SAMD3: variants seen among roughly 807,000 people sequenced by gnomAD.
SAMD3 encodes sterile alpha motif domain-containing protein 3.
Under a neutral mutation model 58.5 loss-of-function variants are expected in SAMD3, and 63 were observed. That is an observed-to-expected ratio of 1.08 (90% CI 0.88 to 1.33). The LOEUF is 1.33. Ranked by LOEUF, SAMD3 falls within the 40% of genes most tolerant of loss-of-function variation. SAMD3 has a pLI of 0.00. For missense variants in SAMD3, 604 were observed against 608.4 expected (o/e 0.99, Z 0.08); for synonymous variants, 220 against 210.3 (o/e 1.05, Z -0.40).
intron 2 of SAMD3, among the ~76,000 whole-genome samples, chr6:130,282,466 A>G (rs1251142654): frequency 1.3e-5 from 2 of 152,192 alleles, no homozygotes; most frequent in Non-Finnish European, 2.9e-5. Flanking sequence ...AGCTGTTGTG[A>G]CTGCCCTGAA....
intron 1 of SAMD3, among the ~76,000 whole-genome samples, chr6:130,329,209 C>G (rs530652130): frequency 6.6e-6 from 1 of 151,210 alleles, no homozygotes; most frequent in South Asian, 2.1e-4. Flanking sequence ...ACCATCATTA[C>G]CACTGCCTTT....
intron 2 of SAMD3, among the ~76,000 whole-genome samples, chr6:130,283,620 G>A (rs531319730): frequency 6.6e-6 from 1 of 152,086 alleles, no homozygotes; most frequent in Non-Finnish European, 1.5e-5. Flanking sequence ...ATTACTAAGA[G>A]AAAATAATTG....
chr6:130,259,604 A>G (rs751436758), intron 2 of SAMD3, among the ~76,000 whole-genome samples: 20 of 152,222 alleles, frequency 1.3e-4, no homozygotes, highest in Non-Finnish European at 2.9e-5. Context: ...GATACAGTGA[A>G]TAGAAACAGG....
intron 4 of SAMD3, among the ~76,000 whole-genome samples, chr6:130,212,286 C>T (rs1022865689): frequency 6.6e-5 from 10 of 152,142 alleles, no homozygotes; most frequent in African/African-American, 2.4e-4. Flanking sequence ...TAAGTATTCT[C>T]TTCTCACATG....
At chr6:130,288,435 G>A (rs1375704801) in intron 2 of SAMD3, among the ~76,000 whole-genome samples, 1 of 149,086 alleles carries the variant, frequency 6.7e-6, no homozygotes, top group East Asian at 2.0e-4. Flanking sequence ...AAAGTCTACT[G>A]ATTTAAATGT....
intron 2 of SAMD3, among the ~76,000 whole-genome samples, chr6:130,298,623 C>T (rs540443440): frequency 6.9e-4 from 105 of 152,124 alleles, no homozygotes; most frequent in Admixed American, 1.7e-3. Context: ...AACAACCTAA[C>T]ATTGCACCTA....
At chr6:130,151,784 C>T (rs1209025992) in intron 9 of SAMD3, among the ~76,000 whole-genome samples, 1 of 151,996 alleles carries the variant, frequency 6.6e-6, no homozygotes, top group African/African-American at 2.4e-5. Flanking sequence ...GCGATTCTCA[C>T]GTACTTCACT....
chr6:130,322,644 C>A (rs75556955), intron 1 of SAMD3, among the ~76,000 whole-genome samples: 2,787 of 152,276 alleles, frequency 0.018, 23 homozygotes, highest in Non-Finnish European at 0.027. Flanking sequence ...TCTCAAAAAA[C>A]CAAACCAAAC....
chr6:130,275,351 T>A lies in SAMD3; in HGVS notation c.-188+37627A>T, dbSNP rs906533593. Among the ~76,000 whole-genome samples, 6 of 152,126 alleles carry A rather than the reference T, an allele frequency of 3.9e-5. 1 individual carries two copies. The highest frequency in any genetic ancestry group is 1.3e-4 in the Admixed American group (2 of 15,260). ...AATGATAAGCCATATTAAAAAATAG[T>A]CGAAAGAGATTTTACCTTTTTACCT... On this transcript the variant is annotated intron_variant, in intron 2 of 13. Coordinates refer to the SAMD3 transcript ENST00000368134.
intron 9 of SAMD3, among the ~76,000 whole-genome samples, chr6:130,146,952 C>T (rs1160633478): frequency 2.0e-5 from 3 of 151,872 alleles, no homozygotes; most frequent in Non-Finnish European, 4.4e-5. Flanking sequence ...CCAGCCTGGG[C>T]AACGTAGTGA....
chr6:130,332,268 G>A (rs529741606), intron 1 of SAMD3, among the ~76,000 whole-genome samples: 2 of 152,252 alleles, frequency 1.3e-5, no homozygotes, highest in African/African-American at 2.4e-5. Flanking sequence ...TTATGGAGAA[G>A]GAAAAGATTG....
chr6:130,344,922 C>T (rs1234423578), intron 1 of SAMD3, among the ~76,000 whole-genome samples: 1 of 151,568 alleles, frequency 6.6e-6, no homozygotes, highest in Non-Finnish European at 1.5e-5. Flanking sequence ...ACACCTGCCC[C>T]CCTATGCCCA....
At chr6:130,360,170 T>C (rs1777942318) in intron 1 of SAMD3, among the ~76,000 whole-genome samples, 1 of 152,248 alleles carries the variant, frequency 6.6e-6, no homozygotes, top group Non-Finnish European at 1.5e-5. Flanking sequence ...CAATGAGCAA[T>C]AATCCCCAGT....
chr6:130,266,648 A>G (rs1774367320), intron 2 of SAMD3, among the ~76,000 whole-genome samples: 1 of 152,208 alleles, frequency 6.6e-6, no homozygotes, highest in Non-Finnish European at 1.5e-5. Flanking sequence ...CCGGGACTGG[A>G]CAGCCCCCAC....
rs1368152383 is a variant in SAMD3, at chr6:130,205,555, C to G, written c.383+3940G>C. Among the ~76,000 whole-genome samples, 313 of 152,256 alleles carry G rather than the reference C, an allele frequency of 2.1e-3. 2 individuals are homozygous for G. Among genetic ancestry groups the G allele is most frequent in the South Asian group, 0.02 (99 of 4,830 alleles). On this transcript the variant is annotated intron_variant, in intron 5 of 11. Coordinates refer to ENST00000439090, the MANE Select transcript of SAMD3 (RefSeq NM_001017373.4). ...CTGACCTCAGGTGATCCACCCACCT[C>G]AGCCTCCCAGAGTGCTGGGATTACA...
Position 130,146,172 on chromosome 6 carries a change from C to T in SAMD3, c.1033G>A (p.Glu345Lys), listed in dbSNP as rs776321996. Residue 345 changes from glutamate to lysine, a missense_variant, in exon 10 of 12, where the codon GAA becomes AAA. Transcript: ENST00000439090. The stretch of plus-strand genomic sequence containing the variant: ...TCTGTTCTTGTAAGAAGTTGGAATT[C>T]TCTGAACATCTGACAAAAGAAGAAA... ...FLKCPYQMFR[E>K]FQLLTRTDIY... 1 of 1,566,808 alleles carries T rather than the reference C, an allele frequency of 6.4e-7. No homozygotes were observed. Among genetic ancestry groups the T allele is most frequent in the Non-Finnish European group, 8.6e-7 (1 of 1,158,172 alleles).
chr6:130,357,832 T>A (rs558589958), intron 1 of SAMD3, among the ~76,000 whole-genome samples: 3 of 152,242 alleles, frequency 2.0e-5, no homozygotes, highest in Non-Finnish European at 4.4e-5. Context: ...TGAGTATGTT[T>A]GGGTAAACTT....
At chr6:130,354,257 G>T (rs1381700165) in intron 1 of SAMD3, among the ~76,000 whole-genome samples, 1 of 152,188 alleles carries the variant, frequency 6.6e-6, no homozygotes, top group Non-Finnish European at 1.5e-5. Context: ...ATTGTGGAAA[G>T]AAGTGTGGTA....
intron 1 of SAMD3, among the ~76,000 whole-genome samples, chr6:130,320,648 G>C (rs1441746865): frequency 6.6e-6 from 1 of 152,142 alleles, no homozygotes; most frequent in Non-Finnish European, 1.5e-5. Context: ...CAGGTGAATA[G>C]ATTAACAGTG....
Sources: gnomAD v4.1 joint callset for allele counts (sites outside exome capture counted in the v4.1 genomes callset) on GRCh38, gnomAD v4.1.1 for gene constraint, MANE v1.5 for transcripts, NCBI Gene and HGNC (gene_info 2026-07-23, HGNC 2026-07-21) for gene names.